DCLK2: variants seen among roughly 807,000 people sequenced by gnomAD.
The protein encoded by DCLK2 is serine/threonine-protein kinase DCLK2.
Under a neutral mutation model 78.4 loss-of-function variants are expected in DCLK2, and 31 were observed. The observed-to-expected ratio is 0.40, with a 90% confidence interval of 0.30 to 0.53. The LOEUF (loss-of-function observed/expected upper bound fraction) is 0.53. DCLK2 is among the 20% of genes least tolerant of loss of function. The pLI is 0.61. For missense variants in DCLK2, 872 were observed against 973.7 expected, an observed-to-expected ratio of 0.90 and a Z score of 1.39; for synonymous variants, 407 against 374.9, an observed-to-expected ratio of 1.09 and a Z score of -0.99.
chr4:150,175,875 T>C (rs1244992922), intron 2 of DCLK2, among the ~76,000 whole-genome samples: 1 of 152,124 alleles, frequency 6.6e-6, no homozygotes, highest in South Asian at 2.1e-4. Context: ...TGTACCGTGC[T>C]CCTTCCTAAC....
chr4:150,105,459 A>G (rs1277203914), intron 2 of DCLK2, among the ~76,000 whole-genome samples: 7 of 151,612 alleles, frequency 4.6e-5, no homozygotes, highest in Non-Finnish European at 1.0e-4. Flanking sequence ...AAAACTGACA[A>G]GCTCTTAAAG....
At chr4:150,219,853 G>A (rs925823244) in intron 5 of DCLK2, among the ~76,000 whole-genome samples, 2 of 152,206 alleles carry the variant, frequency 1.3e-5, no homozygotes, top group African/African-American at 4.8e-5. Context: ...AGACAAGTAG[G>A]TAGGGGGACA....
At chr4:150,090,140 T>C (rs113490273) in intron 1 of DCLK2, among the ~76,000 whole-genome samples, 2,473 of 128,050 alleles carry the variant, frequency 0.019, 60 homozygotes, top group African/African-American at 0.06. Flanking sequence ...GCACGGTGGC[T>C]CATGCCTGTA....
At chr4:150,251,770 C>T (rs1744168378) in intron 15 of DCLK2, among the ~76,000 whole-genome samples, 1 of 137,822 alleles carries the variant, frequency 7.3e-6, no homozygotes, top group African/African-American at 2.8e-5. Flanking sequence ...ACACCCCACA[C>T]ACCCCACGAG....
At chr4:150,182,146 C>A (rs1737578490) in intron 2 of DCLK2, among the ~76,000 whole-genome samples, 1 of 151,968 alleles carries the variant, frequency 6.6e-6, no homozygotes. Context: ...CTCCCAGGCT[C>A]AAGTTATCCT....
intron 4 of DCLK2, chr4:150,198,927 C>A: frequency 2.0e-5 from 6 of 303,300 alleles, no homozygotes; most frequent in Non-Finnish European, 3.4e-5. Flanking sequence ...CCCCCACTTT[C>A]TGTAGGGCAG....
intron 1 of DCLK2, among the ~76,000 whole-genome samples, chr4:150,085,297 A>T (rs959969930): frequency 3.3e-5 from 5 of 152,186 alleles, no homozygotes; most frequent in Non-Finnish European, 5.9e-5. Flanking sequence ...AATACCACAG[A>T]CTAGGTAAGT....
At chr4:150,122,071 T>C (rs1560789792) in intron 2 of DCLK2, among the ~76,000 whole-genome samples, 1 of 152,186 alleles carries the variant, frequency 6.6e-6, no homozygotes, top group Non-Finnish European at 1.5e-5. Flanking sequence ...GGCCTTAGGA[T>C]TTGGGGAATG....
intron 12 of DCLK2, among the ~76,000 whole-genome samples, chr4:150,246,274 T>C (rs1210373562): frequency 1.3e-5 from 2 of 152,174 alleles, no homozygotes; most frequent in African/African-American, 2.4e-5. Flanking sequence ...CTTGAACTCC[T>C]GACCTCAGGT....
At chr4:150,250,530 A>G (rs1743693963) in intron 15 of DCLK2, among the ~76,000 whole-genome samples, 1 of 151,800 alleles carries the variant, frequency 6.6e-6, no homozygotes. Flanking sequence ...AGCAGGGAAC[A>G]GGGGTGGAGT....
rs879231367 is a variant in DCLK2 at position 150,197,801 on chromosome 4, G to GA, written c.860-186dup. ...GGGAACAAAACTCCATCTCAAGAGA[G>GA]AAAAAAAAAAAAAAAGATGTGTAGC... On this transcript the variant is annotated intron_variant, in intron 3 of 15. Coordinates refer to ENST00000296550, the MANE Select transcript of DCLK2 (RefSeq NM_001040260.4). Among the ~76,000 whole-genome samples the GA allele has an allele frequency of 6.8e-3, 773 of 113,018 alleles. 3 individuals carry two copies. Among genetic ancestry groups the GA allele is most frequent in the African/African-American group, 0.017 (525 of 30,712 alleles). 74.1% of individuals were successfully genotyped at this position (113,018 alleles called of 152,430 possible).
intron 2 of DCLK2, among the ~76,000 whole-genome samples, chr4:150,105,948 C>T (rs1731220301): frequency 6.6e-6 from 1 of 151,888 alleles, no homozygotes; most frequent in Non-Finnish European, 1.5e-5. Context: ...TTCTGATATC[C>T]ACTACTACTT....
At chr4:150,115,995 G>C (rs1385221388) in intron 2 of DCLK2, among the ~76,000 whole-genome samples, 3 of 152,272 alleles carry the variant, frequency 2.0e-5, no homozygotes, top group East Asian at 1.9e-4. Flanking sequence ...AGCCAACTCT[G>C]CTTCCCTGCC....
chr4:150,207,353 C>T (rs1341411359), intron 5 of DCLK2, among the ~76,000 whole-genome samples: 2 of 152,154 alleles, frequency 1.3e-5, no homozygotes, highest in East Asian at 3.8e-4. Flanking sequence ...GATGTTCTGT[C>T]ACCGTTTTTC....
At chr4:150,081,214 T>TG (rs1226491633) in intron 1 of DCLK2, among the ~76,000 whole-genome samples, 2 of 152,196 alleles carry the variant, frequency 1.3e-5, no homozygotes, top group Non-Finnish European at 2.9e-5. Context: ...ATTTTAACAG[T>TG]GGATTTACTA....
intron 2 of DCLK2, among the ~76,000 whole-genome samples, chr4:150,151,515 G>A (rs1734894140): frequency 2.0e-5 from 3 of 152,224 alleles, no homozygotes; most frequent in Admixed American, 6.5e-5. Flanking sequence ...GTCCAGGAAA[G>A]TAGCATTTTG....
intron 5 of DCLK2, among the ~76,000 whole-genome samples, chr4:150,212,392 G>A (rs1740385371): frequency 6.6e-6 from 1 of 152,184 alleles, no homozygotes; most frequent in South Asian, 2.1e-4. Flanking sequence ...GCTGTGAAAT[G>A]TAAATCCACA....
intron 5 of DCLK2, among the ~76,000 whole-genome samples, chr4:150,213,054 C>T (rs1740429353): frequency 6.6e-6 from 1 of 152,336 alleles, no homozygotes; most frequent in Non-Finnish European, 1.5e-5. Flanking sequence ...GTCACACCAC[C>T]TGTCTGTTGG....
At chr4:150,107,378 G>GTTTTTTT (rs201080236) in intron 2 of DCLK2, among the ~76,000 whole-genome samples, 6 of 125,184 alleles carry the variant, frequency 4.8e-5, no homozygotes, top group African/African-American at 1.6e-4. Flanking sequence ...TTTGGTTATT[G>GTTTTTTT]TTTTTTTTTT....
Sources: gnomAD v4.1 joint callset for allele counts (sites outside exome capture counted in the v4.1 genomes callset) on GRCh38, gnomAD v4.1.1 for gene constraint, MANE v1.5 for transcripts, NCBI Gene and HGNC (gene_info 2026-07-23, HGNC 2026-07-21) for gene names.